The following SGCD variants were observed in gnomAD, a reference collection of about 807,000 sequenced individuals.
The protein encoded by SGCD is sarcoglycan delta.
A neutral mutation model predicts 36.6 loss-of-function variants in SGCD; 18 were observed. The observed-to-expected ratio is 0.49, with a 90% CI of 0.34 to 0.73. The LOEUF is 0.73. SGCD is among the 30% of genes least tolerant of loss of function. SGCD has a pLI of 0.01. For missense variants in SGCD, 387 were observed against 346.7 expected (o/e 1.12, Z -0.92); for synonymous variants, 133 against 130.6 (o/e 1.02, Z -0.12).
chr5:156,127,673 T>C (rs1762207233), intron 3 of SGCD, among the ~76,000 whole-genome samples: 1 of 151,532 alleles, frequency 6.6e-6, no homozygotes, highest in African/African-American at 2.4e-5. Context: ...GGAACACATA[T>C]ATATAGTCAA....
At chr5:155,785,670 A>T in the SGCD span, among the ~76,000 whole-genome samples, 2 of 152,216 alleles carry the variant, frequency 1.3e-5, no homozygotes, top group Non-Finnish European at 2.9e-5. Flanking sequence ...AAATATACAA[A>T]CCAATATATT....
chr5:155,782,074 G>A, the SGCD span, among the ~76,000 whole-genome samples: 2 of 149,626 alleles, frequency 1.3e-5, no homozygotes, highest in East Asian at 3.9e-4. Flanking sequence ...TTCCCAGGCG[G>A]AGTGCAGCAG....
At chr5:156,618,509 G>A (rs765531307) in intron 6 of SGCD, among the ~76,000 whole-genome samples, 5 of 144,672 alleles carry the variant, frequency 3.5e-5, no homozygotes, top group Non-Finnish European at 6.0e-5. Context: ...GATACTTAAT[G>A]AGAAAAAGCA....
intron 7 of SGCD, among the ~76,000 whole-genome samples, chr5:156,713,130 G>A (rs1430192644): frequency 6.6e-6 from 1 of 152,086 alleles, no homozygotes; most frequent in Non-Finnish European, 1.5e-5. Context: ...AGACTATTAT[G>A]AGTGAGGAGA....
At chr5:155,810,729 C>T in the SGCD span, among the ~76,000 whole-genome samples, 2 of 141,492 alleles carry the variant, frequency 1.4e-5, no homozygotes, top group African/African-American at 5.2e-5. Context: ...AATGATTTGG[C>T]TCGAAAATAT....
chr5:156,622,435 AAATAATAATAATAATAATAATAAT>A (rs56979795), intron 6 of SGCD, among the ~76,000 whole-genome samples: 1 of 137,086 alleles, frequency 7.3e-6, no homozygotes, highest in Non-Finnish European at 1.5e-5. Context: ...TCTGTCTAAA[AAATAATAATAATAATAATAATAAT>A]AATAATAATA....
At chr5:156,267,953 C>G (rs1205104437) in intron 3 of SGCD, among the ~76,000 whole-genome samples, 1 of 151,976 alleles carries the variant, frequency 6.6e-6, no homozygotes, top group Non-Finnish European at 1.5e-5. Context: ...GCTTAGTACC[C>G]AATAGTTATT....
chr5:156,071,142 C>T (rs1373591960), intron 1 of SGCD, among the ~76,000 whole-genome samples: 2 of 152,076 alleles, frequency 1.3e-5, no homozygotes, highest in Non-Finnish European at 2.9e-5. Context: ...CAGTTCTGCT[C>T]TGATTTTAGT....
chr5:156,544,147 T>A (rs138430542), intron 4 of SGCD, among the ~76,000 whole-genome samples: 4 of 152,212 alleles, frequency 2.6e-5, no homozygotes, highest in African/African-American at 9.6e-5. Context: ...CTAGGTGATA[T>A]TAGCAAGCAT....
chr5:155,765,443 T>TGGGA, the SGCD span, among the ~76,000 whole-genome samples: 1 of 29,234 alleles, frequency 3.4e-5, no homozygotes, highest in Admixed American at 3.6e-4. Flanking sequence ...GGAGGGAGGG[T>TGGGA]GGGAGGGAGG....
At position 156,762,153 on chromosome 5, in the gene SGCD, TA is replaced by T. The variant is rs1221095417; in HGVS notation, c.*2769del. 2.6e-5 allele frequency: 4 copies of T among 152,686 alleles called. No individual in the cohort carries two copies. The East Asian group carries it at 7.7e-4, about 29-fold the overall frequency. 9.5% of individuals were successfully genotyped at this position (152,686 alleles called of 1,614,324 possible). A position where few individuals can be genotyped will look rare whatever the true frequency, so the allele number is the denominator to read the frequency against. ...TAAAAATCTACTAACGCCTACTTTT[TA>T]AAAAATGAGATTCTTTCTAATCTTT... On this transcript the variant is annotated 3_prime_UTR_variant, in exon 9 of 9. Transcript: ENST00000337851.
chr5:156,186,846 G>A (rs1024761429), intron 3 of SGCD, among the ~76,000 whole-genome samples: 4 of 152,142 alleles, frequency 2.6e-5, no homozygotes, highest in African/African-American at 4.8e-5. Context: ...GCTATGTGAA[G>A]TATGGGAGTC....
At chr5:156,424,715 T>A (rs546007203) in intron 3 of SGCD, among the ~76,000 whole-genome samples, 1 of 152,216 alleles carries the variant, frequency 6.6e-6, no homozygotes, top group East Asian at 1.9e-4. Context: ...AGCATATGGC[T>A]GTACTCATGG....
chr5:156,544,330 G>T (rs961371845), intron 4 of SGCD, among the ~76,000 whole-genome samples: 1 of 152,124 alleles, frequency 6.6e-6, no homozygotes, highest in Non-Finnish European at 1.5e-5. Context: ...CTGGTAATAA[G>T]GTTACCTCTC....
At chr5:156,305,242 A>G (rs925605151) in intron 3 of SGCD, among the ~76,000 whole-genome samples, 2 of 152,096 alleles carry the variant, frequency 1.3e-5, no homozygotes, top group Non-Finnish European at 2.9e-5. Context: ...GAGGCCTAGG[A>G]GGAAAAAGTA....
chr5:156,214,157 G>C (rs749255130), intron 3 of SGCD, among the ~76,000 whole-genome samples: 13 of 152,056 alleles, frequency 8.5e-5, no homozygotes, highest in Non-Finnish European at 1.3e-4. Context: ...AAAGAAAAAT[G>C]TTAAATTATC....
At chr5:156,162,001 T>C (rs1763098037) in intron 3 of SGCD, among the ~76,000 whole-genome samples, 1 of 151,126 alleles carries the variant, frequency 6.6e-6, no homozygotes, top group African/African-American at 2.5e-5. Flanking sequence ...CCCCCACTCA[T>C]ATTCCTTTCT....
chr5:156,541,876 C>G (rs1561766638), intron 4 of SGCD, among the ~76,000 whole-genome samples: 1 of 152,162 alleles, frequency 6.6e-6, no homozygotes, highest in Non-Finnish European at 1.5e-5. Flanking sequence ...AGACTGATCT[C>G]CAAAGTCTCT....
chr5:156,410,799 C>T (rs1424122438), intron 3 of SGCD, among the ~76,000 whole-genome samples: 2 of 151,802 alleles, frequency 1.3e-5, no homozygotes, highest in East Asian at 3.9e-4. Context: ...GCTATTAGAC[C>T]CATGAAAGGG....
Sources: gnomAD v4.1 joint callset for allele counts (sites outside exome capture counted in the v4.1 genomes callset) on GRCh38, gnomAD v4.1.1 for gene constraint, MANE v1.5 for transcripts, NCBI Gene and HGNC (gene_info 2026-07-23, HGNC 2026-07-21) for gene names.